MCTP1: variants seen among roughly 807,000 people sequenced by gnomAD.
MCTP1 encodes the protein multiple C2 and transmembrane domain containing 1.
A neutral mutation model predicts 120.6 loss-of-function variants in MCTP1; 69 were observed. The observed-to-expected ratio is 0.57, with a 90% CI of 0.47 to 0.70. MCTP1 has a LOEUF of 0.70. MCTP1 is among the 30% of genes least tolerant of loss of function. The pLI is 0.00. For missense variants in MCTP1, 1,203 were observed against 1,248.8 expected (o/e 0.96, Z 0.55); for synonymous variants, 529 against 493.1 (o/e 1.07, Z -0.96).
At chr5:95,144,791 C>T (rs989538220) in intron 1 of MCTP1, among the ~76,000 whole-genome samples, 11 of 152,080 alleles carry the variant, frequency 7.2e-5, no homozygotes, top group Non-Finnish European at 1.6e-4. Context: ...TAGTCCCATG[C>T]TGTTTTGGTT....
intron 2 of MCTP1, among the ~76,000 whole-genome samples, chr5:94,972,468 A>C (rs368550529): frequency 1.7e-4 from 26 of 152,080 alleles, no homozygotes; most frequent in African/African-American, 5.8e-4. Context: ...AGGTGTGGCC[A>C]TGTACCCATG....
At chr5:95,007,266 A>G (rs1322780510) in intron 2 of MCTP1, among the ~76,000 whole-genome samples, 1 of 152,116 alleles carries the variant, frequency 6.6e-6, no homozygotes, top group East Asian at 1.9e-4. Flanking sequence ...ACTACAATTC[A>G]AGATGAGATT....
chr5:95,063,518 A>G (rs1749802161), intron 1 of MCTP1, among the ~76,000 whole-genome samples: 1 of 152,260 alleles, frequency 6.6e-6, no homozygotes, highest in South Asian at 2.1e-4. Flanking sequence ...TTTTTGAGAT[A>G]GCTCACAAGG....
chr5:94,840,576 T>G (rs2153196293), intron 17 of MCTP1, among the ~76,000 whole-genome samples: 1 of 152,306 alleles, frequency 6.6e-6, no homozygotes, highest in South Asian at 2.1e-4. Context: ...ACCATTTTTT[T>G]TTCTTTATGT....
intron 12 of MCTP1, among the ~76,000 whole-genome samples, chr5:94,885,549 T>C (rs12153511): frequency 0.068 from 10,281 of 152,020 alleles, 424 homozygotes; most frequent in African/African-American, 0.12. Flanking sequence ...CATATGATAA[T>C]ATGAACTATT....
intron 1 of MCTP1, among the ~76,000 whole-genome samples, chr5:95,067,051 A>C (rs1750834553): frequency 1.3e-5 from 2 of 149,614 alleles, no homozygotes. Flanking sequence ...TTCCTGAGAG[A>C]CCATGGACCG....
chr5:94,768,885 A>G (rs572628244), intron 19 of MCTP1, among the ~76,000 whole-genome samples: 14 of 152,308 alleles, frequency 9.2e-5, no homozygotes, highest in African/African-American at 2.9e-4. Context: ...ATTACTGAAT[A>G]TTTAGCCAAA....
At chr5:95,012,411 T>C (rs115733639) in intron 2 of MCTP1, among the ~76,000 whole-genome samples, 4 of 152,268 alleles carry the variant, frequency 2.6e-5, no homozygotes, top group African/African-American at 9.6e-5. Flanking sequence ...TGGAGTTTTA[T>C]AGTATACGCA....
rs998582409 is a variant in MCTP1, at chr5:94,894,825, C to T, written c.1663G>A (p.Asp555Asn). The T allele has an allele frequency of 8.3e-6, 13 of 1,567,368 alleles. No homozygotes were observed. Among genetic ancestry groups the T allele is most frequent in the African/African-American group, 5.5e-5 (4 of 73,280 alleles). Residue 555 changes from aspartate to asparagine, a missense_variant, in exon 11 of 23, where the codon GAC (aspartate) becomes AAC (asparagine). Asp to Asn is a conservative substitution (Grantham distance 23). Around this residue, in one of 2 missense-constraint regions of MCTP1, gnomAD observed 740 missense variants for 871.1 expected, o/e 0.85. Transcript: ENST00000515393. Reference protein sequence around the residue: ...RDDFIGRCQVDLSALSREQTH... With the variant: ...RDDFIGRCQVNLSALSREQTH... ...TGTTCCCTACTGAGGGCTGACAGGT[C>T]GACCTGGCACCTAGAGACAAATGTT...
chr5:94,808,729 T>A (rs1782864815), intron 17 of MCTP1, among the ~76,000 whole-genome samples: 1 of 152,130 alleles, frequency 6.6e-6, no homozygotes, highest in Non-Finnish European at 1.5e-5. Context: ...GAACTATCTA[T>A]CTCTGTTCTG....
intron 2 of MCTP1, among the ~76,000 whole-genome samples, chr5:95,009,837 G>A (rs1401233774): frequency 2.0e-5 from 3 of 152,122 alleles, no homozygotes; most frequent in Non-Finnish European, 2.9e-5. Context: ...TCAGAAAAAG[G>A]CAGTAGCACT....
intron 1 of MCTP1, among the ~76,000 whole-genome samples, chr5:95,029,814 G>A (rs1341644731): frequency 6.6e-6 from 1 of 152,156 alleles, no homozygotes; most frequent in Non-Finnish European, 1.5e-5. Context: ...TAGGTATCAG[G>A]TGCCATACTG....
chr5:94,715,688 A>C (rs559193957), intron 19 of MCTP1, among the ~76,000 whole-genome samples: 53 of 152,278 alleles, frequency 3.5e-4, no homozygotes, highest in African/African-American at 1.1e-3. Flanking sequence ...TTTTAGACCC[A>C]AAGGAAGAAA....
chr5:95,069,768 T>C (rs560659133), intron 1 of MCTP1, among the ~76,000 whole-genome samples: 1 of 151,314 alleles, frequency 6.6e-6, no homozygotes, highest in South Asian at 2.1e-4. Flanking sequence ...GTGCAATCTC[T>C]GCTCACTGCA....
At chr5:94,921,543 G>A (rs1381727971) in intron 7 of MCTP1, among the ~76,000 whole-genome samples, 1 of 152,108 alleles carries the variant, frequency 6.6e-6, no homozygotes, top group Non-Finnish European at 1.5e-5. Context: ...TATCTACTTA[G>A]ACATTTTGCA....
At chr5:94,827,697 C>T (rs1010675023) in intron 17 of MCTP1, among the ~76,000 whole-genome samples, 2 of 151,576 alleles carry the variant, frequency 1.3e-5, no homozygotes, top group East Asian at 3.9e-4. Flanking sequence ...CTTTTCTTCA[C>T]TTTTTTTTCA....
At chr5:94,736,648 C>G (rs1764324334) in intron 19 of MCTP1, among the ~76,000 whole-genome samples, 1 of 152,164 alleles carries the variant, frequency 6.6e-6, no homozygotes, top group Admixed American at 6.5e-5. Flanking sequence ...CAGCCTCTTT[C>G]ACACATACAT....
chr5:94,994,956 C>T (rs1832323056), intron 2 of MCTP1, among the ~76,000 whole-genome samples: 3 of 152,198 alleles, frequency 2.0e-5, no homozygotes. Flanking sequence ...GCCAGGGGCC[C>T]TTGGGCCTTT....
chr5:95,011,976 GA>G (rs1212522465), intron 2 of MCTP1, among the ~76,000 whole-genome samples: 2 of 152,040 alleles, frequency 1.3e-5, no homozygotes, highest in African/African-American at 4.8e-5. Context: ...TCCCAGGCCT[GA>G]AATAAACCAT....
Sources: gnomAD v4.1 joint callset for allele counts (sites outside exome capture counted in the v4.1 genomes callset) on GRCh38, gnomAD v4.1.1 for gene constraint, gnomAD v4.1.1 regional missense constraint, MANE v1.5 for transcripts, NCBI Gene and HGNC (gene_info 2026-07-23, HGNC 2026-07-21) for gene names.